The following ETNPPL variants were observed in gnomAD, a reference collection of about 807,000 sequenced individuals.
The protein encoded by ETNPPL is alanine--glyoxylate aminotransferase 2-like 1.
A neutral mutation model predicts 55.5 loss-of-function variants in ETNPPL; 30 were observed. The ratio of observed to expected loss-of-function variants is 0.54; its 90% CI spans 0.40 to 0.73. The LOEUF (loss-of-function observed/expected upper bound fraction) is 0.73. Ranked by LOEUF, ETNPPL falls within the 30% of genes least tolerant of loss-of-function variation. The pLI is 0.00. For synonymous variants in ETNPPL, 202 were observed against 207.2 expected (o/e 0.98, Z 0.21); for missense variants, 528 against 607.9 (o/e 0.87, Z 1.38).
At chr4:108,746,678 G>T in intron 10 of ETNPPL, 84 bp downstream of exon 10, 1 of 1,501,626 alleles carries the variant, frequency 6.7e-7, no homozygotes, top group Admixed American at 1.7e-5. Context: ...TTTTCAGAGG[G>T]ATGGGAGGAA....
In ETNPPL at chr4:108,748,049, T is replaced by C. The variant is rs770128918; in HGVS notation, c.1038A>G (p.Leu346=). The change falls in exon 9 of 13, where the codon TTA becomes TTG. Residue 346 remains leucine, a synonymous_variant. Coordinates refer to ENST00000296486, the MANE Select transcript of ETNPPL (RefSeq NM_031279.4). ...AKRVGNYLTE[L]LKKQKAKHTL... ...TGTGTTTAGCCTTCTGTTTTTTCAGTAACTCAGTGAGATAATTCCCTACTC... is the reference window on the plus strand; with the variant it reads ...TGTGTTTAGCCTTCTGTTTTTTCAGCAACTCAGTGAGATAATTCCCTACTC... 2.8e-5 allele frequency: 45 copies of C among 1,612,216 alleles called. No individual in the cohort carries two copies. In the Admixed American group the frequency reaches 6.2e-4, roughly 22 times the overall value.
chr4:108,762,767 C>A, intron 1 of ETNPPL, 76 bp downstream of exon 1: 1 of 1,523,300 alleles, frequency 6.6e-7, no homozygotes, highest in African/African-American at 1.4e-5. Context: ...TGTTCCCTAG[C>A]CGGCTTTCTC....
At chr4:108,758,211 T>C (rs1040822469) in intron 3 of ETNPPL, among the ~76,000 whole-genome samples, 1 of 151,836 alleles carries the variant, frequency 6.6e-6, no homozygotes, top group African/African-American at 2.4e-5. Context: ...AGGATGGTCT[T>C]GATCTCTTGA....
intron 6 of ETNPPL, among the ~76,000 whole-genome samples, chr4:108,752,161 A>C (rs183964460): frequency 6.6e-6 from 1 of 152,348 alleles, no homozygotes; most frequent in East Asian, 1.9e-4. Context: ...TCTAGTCATG[A>C]AGACAAAAAT....
chr4:108,748,256 G>A, intron 8 of ETNPPL, 97 bp from the exon 9 acceptor site: 1 of 725,854 alleles, frequency 1.4e-6, no homozygotes, highest in Non-Finnish European at 2.2e-6. Context: ...CATAAGTGAA[G>A]ATATAATTTA....
chr4:108,762,599 C>T, intron 1 of ETNPPL: 1 of 629,238 alleles, frequency 1.6e-6, no homozygotes, highest in South Asian at 1.9e-5. Context: ...GCTAGTCCGC[C>T]GGCTGCAGAG....
chr4:108,760,665 G>A (rs189823706), intron 1 of ETNPPL, among the ~76,000 whole-genome samples: 128 of 152,138 alleles, frequency 8.4e-4, no homozygotes, highest in African/African-American at 3.1e-3. Context: ...TTTTTGGGGG[G>A]CTTAATGTGT....
Position 108,754,631 on chromosome 4 carries a change from A to G in ETNPPL, c.490T>C (p.Phe164Leu). The G allele has an allele frequency of 6.5e-7, 1 of 1,536,976 alleles. No homozygotes were observed. Among genetic ancestry groups the G allele is most frequent in the Non-Finnish European group, 9.0e-7 (1 of 1,112,188 alleles). Reference protein sequence around the residue: ...FQKGKDVKKEFVHVAPTPDTY... With the variant: ...FQKGKDVKKELVHVAPTPDTY... ...TTTAAGACACTTACCACATGTACAA[A>G]TTCTTTTTTGACATCTTTTCCTTTC... is the stretch of plus-strand genomic sequence containing the variant. The change falls in exon 5 of 13, where the codon TTT becomes CTT. Residue 164 changes from phenylalanine (F) to leucine (L), a missense_variant. Transcript: ENST00000296486.
At chr4:108,755,019 GA>G (rs1278961739) in intron 4 of ETNPPL, among the ~76,000 whole-genome samples, 3 of 152,166 alleles carry the variant, frequency 2.0e-5, no homozygotes, top group African/African-American at 7.2e-5. Flanking sequence ...GTCTAAATGT[GA>G]AAAATTGTTT....
chr4:108,762,061 T>C (rs1729531856), intron 1 of ETNPPL: 1 of 192,880 alleles, frequency 5.2e-6, no homozygotes, highest in African/African-American at 2.3e-5. Context: ...CATATTAATC[T>C]CATCTTCTTG....
intron 11 of ETNPPL, among the ~76,000 whole-genome samples, chr4:108,745,925 C>T (rs1382833930): frequency 3.9e-5 from 4 of 102,064 alleles, no homozygotes; most frequent in African/African-American, 2.0e-4. Context: ...AGTGAGACTC[C>T]ATCTCAAAAA....
At chr4:108,747,176 ATAT>A (rs1728607425) in intron 9 of ETNPPL, among the ~76,000 whole-genome samples, 1 of 12,820 alleles carries the variant, frequency 7.8e-5, no homozygotes, top group African/African-American at 3.4e-4. Context: ...ATATATATAT[ATAT>A]AATATATATA....
chr4:108,743,602 G>A (rs936238422), intron 12 of ETNPPL, among the ~76,000 whole-genome samples, 187 bp downstream of exon 12: 9 of 152,128 alleles, frequency 5.9e-5, no homozygotes, highest in South Asian at 2.1e-4. Context: ...CTTTTGATGC[G>A]TCAAATGATG....
At chr4:108,751,089 T>C in intron 6 of ETNPPL, 71 bp from the exon 7 acceptor site, 1 of 1,014,592 alleles carries the variant, frequency 9.9e-7, no homozygotes, top group Non-Finnish European at 1.5e-6. Context: ...GTATATCTTA[T>C]AGAGCAGGTT....
intron 12 of ETNPPL, 30 bp downstream of exon 12, chr4:108,743,759 C>T (rs756891693): frequency 4.7e-6 from 7 of 1,481,720 alleles, no homozygotes; most frequent in Non-Finnish European, 6.6e-6. Flanking sequence ...TTTAAACTTT[C>T]CCCCTAAAAA....
intron 1 of ETNPPL, 81 bp downstream of exon 1, chr4:108,762,762 C>G (rs780215199): frequency 5.3e-5 from 80 of 1,509,654 alleles, no homozygotes; most frequent in Non-Finnish European, 7.3e-5. Flanking sequence ...TCGTTTGTTC[C>G]CTAGCCGGCT....
intron 11 of ETNPPL, among the ~76,000 whole-genome samples, chr4:108,744,715 ATTTTTTTTTTTT>A (rs530380404): frequency 1.7e-5 from 2 of 121,184 alleles, no homozygotes; most frequent in Middle Eastern, 4.6e-3. Flanking sequence ...AGAAGTTGAA[ATTTTTTTTTTTT>A]TTTTTTTTTT....
At chr4:108,743,020 C>T (rs553161226) in intron 12 of ETNPPL, among the ~76,000 whole-genome samples, 80 of 152,126 alleles carry the variant, frequency 5.3e-4, no homozygotes, top group Non-Finnish European at 1.0e-3. Flanking sequence ...TGTTGTTAGA[C>T]GAAACAGAAG....
chr4:108,748,473 G>A (rs1728729486), intron 8 of ETNPPL, among the ~76,000 whole-genome samples: 1 of 152,138 alleles, frequency 6.6e-6, no homozygotes, highest in African/African-American at 2.4e-5. Flanking sequence ...TGCCCAGTGA[G>A]GGAAATAGGG....
Sources: gnomAD v4.1 joint callset for allele counts (sites outside exome capture counted in the v4.1 genomes callset) on GRCh38, gnomAD v4.1.1 for gene constraint, MANE v1.5 for transcripts, NCBI Gene and HGNC (gene_info 2026-07-23, HGNC 2026-07-21) for gene names.